UBAC2: variants seen among roughly 807,000 people sequenced by gnomAD.
UBAC2 encodes ubiquitin-associated domain-containing protein 2.
In UBAC2, 26 loss-of-function variants were observed where a neutral mutation model predicts 44.0. The ratio of observed to expected loss-of-function variants is 0.59; its 90% CI spans 0.43 to 0.82. UBAC2 has a LOEUF of 0.82. Among genes scored for constraint, UBAC2 ranks in the 40% least tolerant of loss-of-function variants. The probability of loss-of-function intolerance (pLI) is 0.00; values close to 1 mark genes in which losing one functional copy is unlikely to be tolerated. For missense variants in UBAC2, 329 were observed against 419.4 expected, an observed-to-expected ratio of 0.78 and a Z score of 1.88; for synonymous variants, 155 against 154.3, an observed-to-expected ratio of 1.00 and a Z score of -0.04.
chr13:99,311,808 C>T (rs2044414428), intron 4 of UBAC2, among the ~76,000 whole-genome samples: 1 of 152,188 alleles, frequency 6.6e-6, no homozygotes, highest in Non-Finnish European at 1.5e-5. Context: ...GCTAGGAGAA[C>T]CAGGACTGCC....
intron 4 of UBAC2, among the ~76,000 whole-genome samples, chr13:99,273,065 A>G (rs539829362): frequency 2.8e-4 from 43 of 150,984 alleles, no homozygotes; most frequent in Non-Finnish European, 4.9e-4. Flanking sequence ...TAAATTTTAG[A>G]GTAAGTTAAT....
chr13:99,347,015 C>T (rs937054866), intron 7 of UBAC2, among the ~76,000 whole-genome samples: 3 of 152,172 alleles, frequency 2.0e-5, no homozygotes, highest in African/African-American at 7.2e-5. Flanking sequence ...CAGTGGTTCA[C>T]GCCTGTAATC....
At chr13:99,283,497 A>T (rs900491139) in intron 4 of UBAC2, among the ~76,000 whole-genome samples, 4 of 152,030 alleles carry the variant, frequency 2.6e-5, no homozygotes, top group Non-Finnish European at 4.4e-5. Flanking sequence ...GCCTTGTTTG[A>T]CATATGTTCC....
At chr13:99,348,261 A>G (rs1306761428) in intron 7 of UBAC2, among the ~76,000 whole-genome samples, 1 of 152,192 alleles carries the variant, frequency 6.6e-6, no homozygotes, top group Admixed American at 6.5e-5. Flanking sequence ...CGCCTTCAAG[A>G]AGTTTGCAGC....
At chr13:99,211,887 C>T (rs866704577) in intron 1 of UBAC2, among the ~76,000 whole-genome samples, 4 of 152,172 alleles carry the variant, frequency 2.6e-5, no homozygotes, top group African/African-American at 4.8e-5. Flanking sequence ...TTTCCCTCAT[C>T]CCCTTGGGAC....
At chr13:99,255,911 A>G in intron 4 of UBAC2, 1 of 1,487,592 alleles carries the variant, frequency 6.7e-7, no homozygotes. Flanking sequence ...TAGAAACTGT[A>G]AAAATAGTTA....
intron 6 of UBAC2, among the ~76,000 whole-genome samples, chr13:99,319,001 T>G (rs573113368): frequency 1.3e-5 from 2 of 150,450 alleles, no homozygotes; most frequent in African/African-American, 4.9e-5. Context: ...TAAGGAGAGA[T>G]AGTCTGCTCA....
chr13:99,201,222 G>A (rs1275600033), intron 1 of UBAC2: 1 of 1,427,882 alleles, frequency 7.0e-7, no homozygotes, highest in South Asian at 1.6e-5. Context: ...CGCTGCAAGT[G>A]GGCAGGTGCC....
At chr13:99,256,960 A>G (rs1159916801) in intron 4 of UBAC2, among the ~76,000 whole-genome samples, 2 of 152,198 alleles carry the variant, frequency 1.3e-5, no homozygotes, top group African/African-American at 4.8e-5. Flanking sequence ...ATTTCTCTTT[A>G]AGGAAAACTA....
chr13:99,375,375 G>A (rs968827102), intron 8 of UBAC2, among the ~76,000 whole-genome samples: 4 of 152,186 alleles, frequency 2.6e-5, no homozygotes, highest in Admixed American at 6.5e-5. Flanking sequence ...TCGGCCATGC[G>A]TCAGCATGGG....
intron 8 of UBAC2, among the ~76,000 whole-genome samples, chr13:99,382,753 G>T (rs1000531870): frequency 6.6e-6 from 1 of 152,174 alleles, no homozygotes; most frequent in Admixed American, 6.5e-5. Context: ...GGGCAATGAG[G>T]ACTTCGCTCT....
intron 1 of UBAC2, among the ~76,000 whole-genome samples, chr13:99,232,397 G>GAGAGATAGAT (rs1555321097): frequency 1.2e-5 from 1 of 82,256 alleles, no homozygotes; most frequent in African/African-American, 3.5e-5. Context: ...CCTTAGTTGA[G>GAGAGATAGAT]AGATATAGAT....
At position 99,249,402 on chromosome 13, in the gene UBAC2, T is replaced by C. The variant is rs142217628; in HGVS notation, c.389+4778T>C. ...TTTTTTATGGCTGCATAATATTCCATGGTGTGTATGTACCATATTTTCTTT... is the reference window on the plus strand; with the variant it reads ...TTTTTTATGGCTGCATAATATTCCACGGTGTGTATGTACCATATTTTCTTT... On this transcript the variant is annotated intron_variant, in intron 4 of 8. Coordinates refer to ENST00000403766, the MANE Select transcript of UBAC2 (RefSeq NM_001144072.2). 1.2e-4 allele frequency among the ~76,000 whole-genome samples: 19 copies of C among 152,368 alleles called. No individual in the cohort carries two copies. The East Asian group carries it at 3.5e-3, about 28-fold the overall frequency.
chr13:99,208,133 G>C (rs2042895957), intron 1 of UBAC2, among the ~76,000 whole-genome samples: 1 of 151,896 alleles, frequency 6.6e-6, no homozygotes, highest in Non-Finnish European at 1.5e-5. Context: ...AAGTAGCTGG[G>C]ATTACAGGCG....
chr13:99,377,134 C>G (rs1322039789), intron 8 of UBAC2: 2 of 152,272 alleles, frequency 1.3e-5, no homozygotes, highest in Non-Finnish European at 1.5e-5. Context: ...ATTCAGCCTT[C>G]TCTAACTGGT....
At chr13:99,286,293 A>C (rs1206225903) in intron 4 of UBAC2, among the ~76,000 whole-genome samples, 1 of 152,208 alleles carries the variant, frequency 6.6e-6, no homozygotes, top group Non-Finnish European at 1.5e-5. Flanking sequence ...TGGATCTGAA[A>C]CATTTAGATT....
chr13:99,361,935 G>A (rs557266093), intron 7 of UBAC2, among the ~76,000 whole-genome samples: 1 of 152,300 alleles, frequency 6.6e-6, no homozygotes, highest in Admixed American at 6.5e-5. Context: ...GTTCAGGACT[G>A]CAGTGCGCCA....
chr13:99,290,855 T>A (rs1366990331), intron 4 of UBAC2, among the ~76,000 whole-genome samples: 1 of 151,976 alleles, frequency 6.6e-6, no homozygotes, highest in Non-Finnish European at 1.5e-5. Flanking sequence ...AAGTATCAGA[T>A]GTGGGTGACA....
chr13:99,240,922 G>T (rs551682319), intron 2 of UBAC2, among the ~76,000 whole-genome samples: 1 of 152,304 alleles, frequency 6.6e-6, no homozygotes, highest in Admixed American at 6.5e-5. Context: ...AAGAGCACAG[G>T]TTGTATGACT....
Sources: allele counts gnomAD v4.1 joint callset (sites outside exome capture counted in the v4.1 genomes callset), GRCh38; gene constraint gnomAD v4.1.1; transcripts MANE v1.5; gene names NCBI Gene and HGNC (gene_info 2026-07-23, HGNC 2026-07-21).